PGCKA1: variants seen among roughly 807,000 people sequenced by gnomAD.
PGCKA1 encodes PDCD10 and GCKIII kinases associated 1.
the PGCKA1 span, among the ~76,000 whole-genome samples, chr4:37,527,298 AT>A: frequency 6.6e-6 from 1 of 152,148 alleles, no homozygotes; most frequent in African/African-American, 2.4e-5. Context: ...AGAAAGAAAA[AT>A]ATTTTAAAAT....
At chr4:37,500,991 T>C in the PGCKA1 span, among the ~76,000 whole-genome samples, 4 of 152,210 alleles carry the variant, frequency 2.6e-5, no homozygotes, top group Non-Finnish European at 5.9e-5. Flanking sequence ...TCCCTTTATT[T>C]TGAGCCTATG....
At chr4:37,526,119 G>A in the PGCKA1 span, among the ~76,000 whole-genome samples, 4 of 152,178 alleles carry the variant, frequency 2.6e-5, no homozygotes, top group South Asian at 2.1e-4. Flanking sequence ...TAGATGTAGC[G>A]GGAGCTCAGC....
At chr4:37,492,415 C>A in the PGCKA1 span, among the ~76,000 whole-genome samples, 3 of 152,202 alleles carry the variant, frequency 2.0e-5, no homozygotes, top group African/African-American at 7.2e-5. This position sits in a 1 kb window ranked among gnomAD's most constrained non-coding sequence, Gnocchi z 4.7. Flanking sequence ...GTGATTCTCA[C>A]TGGAATGATC....
At chr4:37,548,348 T>TA in the PGCKA1 span, among the ~76,000 whole-genome samples, 2 of 151,962 alleles carry the variant, frequency 1.3e-5, no homozygotes, top group Non-Finnish European at 2.9e-5. Context: ...ATTAAAAGGT[T>TA]AAAAAAAAGT....
At chr4:37,536,332 T>G in the PGCKA1 span, among the ~76,000 whole-genome samples, 1 of 152,150 alleles carries the variant, frequency 6.6e-6, no homozygotes, top group Non-Finnish European at 1.5e-5. Flanking sequence ...TACCTATTAC[T>G]GTACAACAAA....
chr4:37,540,310 A>G, the PGCKA1 span, among the ~76,000 whole-genome samples: 1 of 152,240 alleles, frequency 6.6e-6, no homozygotes, highest in Non-Finnish European at 1.5e-5. Context: ...AAGCATTTGG[A>G]AAAGACCAGA....
At chr4:37,513,105 AGAAAG>A in the PGCKA1 span, among the ~76,000 whole-genome samples, 2,411 of 43,988 alleles carry the variant, frequency 0.055, 70 homozygotes, top group African/African-American at 0.18. Flanking sequence ...AAAAAAAGAA[AGAAAG>A]AAAGAAAGAA....
At chr4:37,587,049 T>C in the PGCKA1 span, among the ~76,000 whole-genome samples, 2 of 152,154 alleles carry the variant, frequency 1.3e-5, no homozygotes, top group Non-Finnish European at 2.9e-5. Context: ...GCCACACTCT[T>C]TCCAGAGGCT....
chr4:37,457,636 G>T, the PGCKA1 span, among the ~76,000 whole-genome samples: 1 of 152,156 alleles, frequency 6.6e-6, no homozygotes. Context: ...TAAATACAAA[G>T]ATTTGATTCT....
chr4:37,461,384 A>G, the PGCKA1 span, among the ~76,000 whole-genome samples: 3 of 152,006 alleles, frequency 2.0e-5, no homozygotes, highest in East Asian at 5.8e-4. Context: ...TGGGAATAGC[A>G]TTGAATCTAT....
the PGCKA1 span, among the ~76,000 whole-genome samples, chr4:37,516,138 G>C: frequency 6.6e-6 from 1 of 152,132 alleles, no homozygotes; most frequent in African/African-American, 2.4e-5. Flanking sequence ...CATCATCTTT[G>C]TGACAAGATC....
the PGCKA1 span, among the ~76,000 whole-genome samples, chr4:37,496,168 G>T: frequency 6.6e-6 from 1 of 152,090 alleles, no homozygotes. Flanking sequence ...ATTACTTTTG[G>T]CATCTTCCTT....
the PGCKA1 span, among the ~76,000 whole-genome samples, chr4:37,509,263 GGCGCCCCCC>G: frequency 2.7e-5 from 2 of 73,988 alleles, no homozygotes; most frequent in Admixed American, 1.3e-4. Context: ...GCCAGGCAGA[GGCGCCCCCC>G]ACCTCCCAGA....
At chr4:37,495,903 T>C in the PGCKA1 span, among the ~76,000 whole-genome samples, 1 of 152,194 alleles carries the variant, frequency 6.6e-6, no homozygotes, top group Non-Finnish European at 1.5e-5. Flanking sequence ...AACTTTTTAA[T>C]GGGGTTGTTT....
chr4:37,530,664 T>C, the PGCKA1 span, among the ~76,000 whole-genome samples: 3 of 150,918 alleles, frequency 2.0e-5, no homozygotes, highest in Non-Finnish European at 2.9e-5. Flanking sequence ...AACCCACTCA[T>C]CTGTCAGTCA....
chr4:37,592,081 G>A, the PGCKA1 span, among the ~76,000 whole-genome samples: 4 of 151,836 alleles, frequency 2.6e-5, no homozygotes, highest in Admixed American at 6.6e-5. Context: ...GGTGGCGGGC[G>A]CCTGTAATCC....
the PGCKA1 span, among the ~76,000 whole-genome samples, chr4:37,479,797 A>G: frequency 6.6e-6 from 1 of 152,228 alleles, no homozygotes; most frequent in African/African-American, 2.4e-5. Context: ...ATCTACTGAA[A>G]GATCTTTAAA....
chr4:37,553,580 G>A, the PGCKA1 span, among the ~76,000 whole-genome samples: 3 of 152,252 alleles, frequency 2.0e-5, no homozygotes, highest in East Asian at 3.9e-4. Context: ...ATTATCTTAC[G>A]TAACACAAAG....
At chr4:37,539,062 T>A in the PGCKA1 span, among the ~76,000 whole-genome samples, 7 of 151,858 alleles carry the variant, frequency 4.6e-5, no homozygotes, top group Non-Finnish European at 8.8e-5. Context: ...GTGTTTGGAG[T>A]TCCAAGCTAA....
Sources: gnomAD v4.1 joint callset for allele counts (sites outside exome capture counted in the v4.1 genomes callset) on GRCh38, gnomAD v4.1.1 for gene constraint, Gnocchi (gnomAD v3.1) non-coding constraint, MANE v1.5 for transcripts, NCBI Gene and HGNC (gene_info 2026-07-23, HGNC 2026-07-21) for gene names.